TRPM3: variants seen among roughly 807,000 people sequenced by gnomAD.
TRPM3 encodes transient receptor potential cation channel subfamily M member 3, also known as long transient receptor potential channel 3.
In TRPM3, 77 loss-of-function variants were observed where a neutral mutation model predicts 181.2. The observed-to-expected ratio is 0.42, with a 90% confidence interval of 0.35 to 0.51. The LOEUF (loss-of-function observed/expected upper bound fraction) is 0.51, where lower values mean the gene tolerates loss of function less well. Ranked by LOEUF, TRPM3 falls within the 20% of genes least tolerant of loss-of-function variation. The pLI, the probability that TRPM3 is intolerant of heterozygous loss-of-function variation, is 0.01. For synonymous variants in TRPM3, 745 were observed against 796.4 expected, an observed-to-expected ratio of 0.94 and a Z score of 1.09; for missense variants, 1,759 against 2,196.7, an observed-to-expected ratio of 0.80 and a Z score of 3.98.
intron 1 of TRPM3, among the ~76,000 whole-genome samples, chr9:71,440,676 C>G (rs2094124678): frequency 1.3e-5 from 2 of 152,234 alleles, no homozygotes; most frequent in Admixed American, 6.5e-5. Flanking sequence ...GTTAAACTAT[C>G]AGCTCTATTA....
chr9:70,768,566 G>A (rs1444255931), intron 7 of TRPM3, among the ~76,000 whole-genome samples: 1 of 151,602 alleles, frequency 6.6e-6, no homozygotes, highest in African/African-American at 2.4e-5. Context: ...AGCACCTGTT[G>A]ATGTTGCCAA....
intron 7 of TRPM3, among the ~76,000 whole-genome samples, chr9:70,778,963 C>T (rs1355228699): frequency 1.3e-5 from 2 of 152,088 alleles, no homozygotes; most frequent in African/African-American, 2.4e-5. Context: ...CAGAGAAACA[C>T]GCTTTTGCCA....
At chr9:71,196,412 T>A (rs1452281461) in intron 1 of TRPM3, among the ~76,000 whole-genome samples, 1 of 152,042 alleles carries the variant, frequency 6.6e-6, no homozygotes, top group African/African-American at 2.4e-5. Context: ...TCCCATTTTT[T>A]AAATTGTATT....
intron 5 of TRPM3, among the ~76,000 whole-genome samples, chr9:70,830,791 G>C (rs980557601): frequency 1.3e-5 from 2 of 152,076 alleles, no homozygotes; most frequent in African/African-American, 2.4e-5. Flanking sequence ...TTACCTCTTG[G>C]GGATTAGTTG....
chr9:71,181,285 G>T (rs1323935000), intron 1 of TRPM3, among the ~76,000 whole-genome samples: 1 of 151,868 alleles, frequency 6.6e-6, no homozygotes, highest in Non-Finnish European at 1.5e-5. Context: ...AGAAGGAAAA[G>T]TAGATGGCTT....
At chr9:70,576,607 T>C (rs2054070977) in intron 22 of TRPM3, among the ~76,000 whole-genome samples, 1 of 151,184 alleles carries the variant, frequency 6.6e-6, no homozygotes, top group African/African-American at 2.4e-5. Context: ...CTCTGCCTCC[T>C]GGATTCAAGT....
intron 1 of TRPM3, among the ~76,000 whole-genome samples, chr9:71,147,424 G>GACACACAC (rs34795244): frequency 0.013 from 1,872 of 145,020 alleles, 18 homozygotes; most frequent in African/African-American, 0.022. Flanking sequence ...GCAACACACA[G>GACACACAC]ACACACACAC....
At chr9:71,285,747 C>G (rs2085229587) in intron 1 of TRPM3, among the ~76,000 whole-genome samples, 1 of 152,158 alleles carries the variant, frequency 6.6e-6, no homozygotes, top group Admixed American at 6.6e-5. Flanking sequence ...TTAGCTTGTT[C>G]CTGCTGTTTT....
intron 1 of TRPM3, among the ~76,000 whole-genome samples, chr9:70,884,656 T>G (rs1236482139): frequency 2.0e-5 from 3 of 152,216 alleles, no homozygotes; most frequent in Non-Finnish European, 4.4e-5. Flanking sequence ...TGCCTTTAGT[T>G]TTTGCAACAT....
intron 1 of TRPM3, among the ~76,000 whole-genome samples, chr9:71,236,485 A>T (rs978831979): frequency 6.6e-5 from 10 of 152,166 alleles, no homozygotes; most frequent in Non-Finnish European, 1.5e-5. Flanking sequence ...AGCAATGGTA[A>T]GTATATAGTC....
chr9:70,981,803 C>T (rs1282522095), intron 1 of TRPM3, among the ~76,000 whole-genome samples: 1 of 152,084 alleles, frequency 6.6e-6, no homozygotes, highest in Non-Finnish European at 1.5e-5. Context: ...CCTTCTAAGA[C>T]ACACATAATA....
intron 1 of TRPM3, among the ~76,000 whole-genome samples, chr9:71,215,047 C>CAAAAAAAAAAAAAAAA (rs72383590): frequency 1.8e-5 from 2 of 112,560 alleles, no homozygotes; most frequent in African/African-American, 3.6e-5. Context: ...AAAAAAAAAA[C>CAAAAAAAAAAAAAAAA]AAAAAAAAAA....
chr9:70,784,388 C>A, intron 6 of TRPM3, 109 bp from the exon 7 acceptor site: 1 of 1,219,452 alleles, frequency 8.2e-7, no homozygotes, highest in Non-Finnish European at 1.1e-6. Flanking sequence ...TTACTGAGCA[C>A]GGGGGAGGTA....
At chr9:71,140,300 CAA>C (rs781764862) in intron 1 of TRPM3, among the ~76,000 whole-genome samples, 18 of 152,156 alleles carry the variant, frequency 1.2e-4, no homozygotes, top group Non-Finnish European at 2.4e-4. Context: ...TTCACCTCCT[CAA>C]AGTCACAAAC....
intron 1 of TRPM3, among the ~76,000 whole-genome samples, chr9:71,384,591 C>A (rs763747122): frequency 2.0e-5 from 3 of 152,304 alleles, no homozygotes; most frequent in Non-Finnish European, 4.4e-5. Context: ...AACTGCCAGT[C>A]ACTCACATTT....
intron 1 of TRPM3, among the ~76,000 whole-genome samples, chr9:70,899,613 A>T (rs2096352918): frequency 6.6e-6 from 1 of 152,048 alleles, no homozygotes. Context: ...AAAACTTTTA[A>T]TTGATGAAAC....
At chr9:70,776,100 T>C (rs1418935755) in intron 7 of TRPM3, 2 of 208,234 alleles carry the variant, frequency 9.6e-6, no homozygotes, top group Non-Finnish European at 1.9e-5. Context: ...CTCTGGGTGA[T>C]TCTGATGCAG....
chr9:70,558,207 A>C (rs982018103), intron 22 of TRPM3, among the ~76,000 whole-genome samples: 2 of 152,200 alleles, frequency 1.3e-5, no homozygotes, highest in Non-Finnish European at 2.9e-5. Context: ...ACTCTATCAC[A>C]GAGAACAGAA....
At chr9:71,423,044 A>C (rs2093805441) in intron 1 of TRPM3, among the ~76,000 whole-genome samples, 1 of 152,040 alleles carries the variant, frequency 6.6e-6, no homozygotes, top group Admixed American at 6.6e-5. Context: ...TCCCCTATAT[A>C]GCTGATTATT....
Sources: gnomAD v4.1 joint callset for allele counts (sites outside exome capture counted in the v4.1 genomes callset) on GRCh38, gnomAD v4.1.1 for gene constraint, MANE v1.5 for transcripts, NCBI Gene and HGNC (gene_info 2026-07-23, HGNC 2026-07-21) for gene names.